The following PIP5K1C variants were observed in gnomAD, a reference collection of about 807,000 sequenced individuals.
PIP5K1C encodes the protein phosphatidylinositol 4-phosphate 5-kinase type-1 gamma.
PIP5K1C carries 45 observed loss-of-function variants against 80.1 expected under a neutral mutation model. That is an observed-to-expected ratio of 0.56 (90% CI 0.44 to 0.72). The LOEUF is 0.72. Ranked by LOEUF, PIP5K1C falls within the 30% of genes least tolerant of loss-of-function variation. The probability of loss-of-function intolerance (pLI) is 0.00; values close to 1 mark genes in which losing one functional copy is unlikely to be tolerated. For missense variants in PIP5K1C, 753 were observed against 954.6 expected, an observed-to-expected ratio of 0.79 and a Z score of 2.78; for synonymous variants, 498 against 420.1, an observed-to-expected ratio of 1.19 and a Z score of -2.27.
rs748870853 is a variant in PIP5K1C at position 3,638,982 on chromosome 19, C to A, written c.1822G>T (p.Val608Phe). 22 of 1,611,790 alleles carry A rather than the reference C, an allele frequency of 1.4e-5. No homozygotes were observed. The Admixed American group carries it at 2.8e-4, about 21-fold the overall frequency. The stretch of plus-strand genomic sequence containing the variant: ...GCCTGGCTGGCAGTTTCTACTTCAA[C>A]AGCAGCAGAGGCACCGGCCGGGGAA... ...EASPAGASAAVEVETASQASD... is the reference protein window; with the variant it reads ...EASPAGASAAFEVETASQASD... The change falls in exon 16 of 18, where the codon GTT becomes TTT. Residue 608 changes from valine to phenylalanine, a missense_variant. Physicochemically the swap from Val to Phe is conservative, Grantham distance 50. Transcript: ENST00000335312.
At position 3,688,146 on chromosome 19, in the gene PIP5K1C, C is replaced by G. The variant is rs1490756665; in HGVS notation, c.94+12151G>C. Reference sequence around the variant, plus strand: ...GGCCCCGAGCTGAGGCTCCCGCAGCCAGGGTCTGCGCGTGGTCCCCACCTC... The same window carrying G: ...GGCCCCGAGCTGAGGCTCCCGCAGCGAGGGTCTGCGCGTGGTCCCCACCTC... On this transcript the variant is annotated intron_variant, in intron 1 of 17. Coordinates refer to ENST00000335312, the MANE Select transcript of PIP5K1C (RefSeq NM_012398.3). This position sits in a 1 kb window ranked among gnomAD's most constrained non-coding sequence, Gnocchi z 5.3. Among the ~76,000 whole-genome samples the G allele has an allele frequency of 6.6e-6, 1 of 152,174 alleles. No individual in the cohort carries two copies. Among genetic ancestry groups the G allele is most frequent in the Non-Finnish European group, 1.5e-5 (1 of 68,014 alleles).
intron 3 of PIP5K1C, 53 bp downstream of exon 3, chr19:3,664,769 C>G: frequency 7.1e-7 from 1 of 1,408,104 alleles, no homozygotes; most frequent in Non-Finnish European, 1.0e-6. Context: ...TGGGATCCCC[C>G]TCCCCTCTGC....
chr19:3,695,462 G>A (rs572575916), intron 1 of PIP5K1C, among the ~76,000 whole-genome samples: 2 of 152,310 alleles, frequency 1.3e-5, no homozygotes, highest in Non-Finnish European at 2.9e-5. Flanking sequence ...CCAGGAGAAA[G>A]GCAGCCATCA....
intron 1 of PIP5K1C, 111 bp from the exon 2 acceptor site, chr19:3,667,464 G>T: frequency 8.7e-7 from 1 of 1,147,912 alleles, no homozygotes; most frequent in Non-Finnish European, 1.3e-6. Context: ...GTGTAACTCC[G>T]CGTGGGGCTG....
intron 2 of PIP5K1C, among the ~76,000 whole-genome samples, chr19:3,666,276 G>T (rs2035004970): frequency 6.6e-6 from 1 of 152,020 alleles, no homozygotes; most frequent in Non-Finnish European, 1.5e-5. Flanking sequence ...CATGCGGGAA[G>T]ACGGGAGATG....
In PIP5K1C at chr19:3,661,986, G is replaced by C. The variant is rs748911377; in HGVS notation, c.235C>G (p.Leu79Val). 3 of 1,600,670 alleles carry C rather than the reference G, an allele frequency of 1.9e-6. No homozygotes were observed. Residue 79 changes from leucine (L) to valine (V), a missense_variant, in exon 4 of 18, where the codon CTG (leucine) becomes GTG (valine). Physicochemically the swap from Leu to Val is conservative, Grantham distance 32. Around this residue, in one of 6 missense-constraint regions of PIP5K1C, gnomAD observed 139 missense variants for 289.7 expected, o/e 0.48. Coordinates refer to ENST00000335312, the MANE Select transcript of PIP5K1C (RefSeq NM_012398.3). ...ATGCCCAGCTGGATGGCACCCTTCA[G>C]GGTGGAGGAGGTGGTCTGCAGGGAG... ...TTYKKTTSSTLKGAIQLGIGY... is the reference protein window; with the variant it reads ...TTYKKTTSSTVKGAIQLGIGY...
intron 1 of PIP5K1C, among the ~76,000 whole-genome samples, chr19:3,673,247 C>T (rs890156473): frequency 2.0e-5 from 3 of 152,128 alleles, no homozygotes; most frequent in African/African-American, 7.2e-5. Context: ...CCTGCCAGTC[C>T]CAAGATTCCC....
chr19:3,684,365 G>A (rs915499259), intron 1 of PIP5K1C, among the ~76,000 whole-genome samples: 6 of 152,170 alleles, frequency 3.9e-5, no homozygotes, highest in East Asian at 1.9e-4. Flanking sequence ...CTTCCATCCC[G>A]GGGACAGGGC....
At chr19:3,700,224 GC>G in intron 1 of PIP5K1C, 72 bp downstream of exon 1, 2 of 872,332 alleles carry the variant, frequency 2.3e-6, no homozygotes, top group Non-Finnish European at 2.9e-6. Flanking sequence ...CCCCGCCCCG[GC>G]CCCGCAGCCC....
chr19:3,635,364 T>C (rs1488120218), intron 16 of PIP5K1C, among the ~76,000 whole-genome samples: 1 of 151,942 alleles, frequency 6.6e-6, no homozygotes, highest in Non-Finnish European at 1.5e-5. Context: ...CTGGCCAATA[T>C]GGCGAAACCC....
At chr19:3,691,272 C>G (rs1195501688) in intron 1 of PIP5K1C, among the ~76,000 whole-genome samples, 1 of 152,174 alleles carries the variant, frequency 6.6e-6, no homozygotes, top group Non-Finnish European at 1.5e-5. Context: ...ACGGAGCGCC[C>G]GGTCTGGTAC....
In PIP5K1C at chr19:3,696,232, C is replaced by T. The variant is rs2036097160; in HGVS notation, c.94+4065G>A. Among the ~76,000 whole-genome samples, 1 of 152,238 alleles carries T rather than the reference C, an allele frequency of 6.6e-6. No individual in the cohort carries two copies. Among genetic ancestry groups the T allele is most frequent in the Non-Finnish European group, 1.5e-5 (1 of 68,044 alleles). ...CTTGGCAAGGCCTTCCCAGCCACCC[C>T]ATTCTACCTTACCCTTCCTCCCTGG... On this transcript the variant is annotated intron_variant, in intron 1 of 17. Transcript: ENST00000335312. This position sits in a 1 kb window ranked among gnomAD's most constrained non-coding sequence, Gnocchi z 4.1.
chr19:3,680,770 G>A (rs1042908924), intron 1 of PIP5K1C, among the ~76,000 whole-genome samples: 2 of 152,230 alleles, frequency 1.3e-5, no homozygotes, highest in Non-Finnish European at 2.9e-5. Flanking sequence ...ATCAGGCGGA[G>A]GCCAGGATCT....
At chr19:3,687,459 G>A (rs1027589255) in intron 1 of PIP5K1C, among the ~76,000 whole-genome samples, 15 of 152,102 alleles carry the variant, frequency 9.9e-5, no homozygotes, top group South Asian at 8.3e-4. Context: ...TGCAGGGAGC[G>A]GTGAGGGCCT....
chr19:3,638,817 C>T (rs527997605), intron 16 of PIP5K1C, 67 bp downstream of exon 16: 23 of 1,602,160 alleles, frequency 1.4e-5, no homozygotes, highest in African/African-American at 5.4e-5. Context: ...GGTGTGCACA[C>T]GGTGGAGCGT....
At chr19:3,640,951 TGCTGGGATTACAG>T (rs2033935415) in intron 15 of PIP5K1C, among the ~76,000 whole-genome samples, 1 of 152,184 alleles carries the variant, frequency 6.6e-6, no homozygotes, top group South Asian at 2.1e-4. Context: ...CCTCCCAAAG[TGCTGGGATTACAG>T]GCATGAGCCA....
chr19:3,680,983 C>A (rs937262068), intron 1 of PIP5K1C, among the ~76,000 whole-genome samples: 1 of 152,190 alleles, frequency 6.6e-6, no homozygotes, highest in Admixed American at 6.5e-5. Context: ...CAGGATGGCC[C>A]TACCCCAGAG....
At chr19:3,683,792 T>G (rs2035665266) in intron 1 of PIP5K1C, among the ~76,000 whole-genome samples, 1 of 152,100 alleles carries the variant, frequency 6.6e-6, no homozygotes. Context: ...CAGGACCGTG[T>G]CTGGAGAGCT....
In PIP5K1C at chr19:3,638,870, C is replaced by CCCG; in HGVS notation, c.1920+11_1920+13dup. 1 of 1,612,904 alleles carries CCCG rather than the reference C, an allele frequency of 6.2e-7. No individual in the cohort carries two copies. Among genetic ancestry groups the CCCG allele is most frequent in the Non-Finnish European group, 8.5e-7 (1 of 1,179,884 alleles). On this transcript the variant is annotated intron_variant, in intron 16 of 17. Coordinates refer to ENST00000335312, the MANE Select transcript of PIP5K1C (RefSeq NM_012398.3). The stretch of plus-strand genomic sequence containing the variant: ...GTTGACGAGCCGGCGGCAGGAGGAG[C>CCCG]CCGGGGCACTTACAAAGTAGATGTC...
Sources: allele counts gnomAD v4.1 joint callset (sites outside exome capture counted in the v4.1 genomes callset), GRCh38; gene constraint gnomAD v4.1.1; regional missense constraint gnomAD v4.1.1; non-coding constraint Gnocchi (gnomAD v3.1); transcripts MANE v1.5; gene names NCBI Gene and HGNC (gene_info 2026-07-23, HGNC 2026-07-21).